The following SYNPR variants were observed in gnomAD, a reference collection of about 807,000 sequenced individuals.
SYNPR encodes synaptoporin.
A neutral mutation model predicts 32.9 loss-of-function variants in SYNPR; 23 were observed. The observed-to-expected ratio is 0.70, with a 90% CI of 0.50 to 0.99. The LOEUF is 0.99. Among genes scored for constraint, SYNPR ranks in the 50% least tolerant of loss-of-function variants. The probability of loss-of-function intolerance (pLI) is 0.00; values close to 1 mark genes in which losing one functional copy is unlikely to be tolerated. For synonymous variants in SYNPR, 146 were observed against 135.9 expected (o/e 1.07, Z -0.52); for missense variants, 318 against 349.3 (o/e 0.91, Z 0.71).
At chr3:63,417,867 T>A (rs2088562653) in intron 2 of SYNPR, among the ~76,000 whole-genome samples, 1 of 152,108 alleles carries the variant, frequency 6.6e-6, no homozygotes, top group Non-Finnish European at 1.5e-5. Context: ...TGAAACCACT[T>A]TTTTCCTCCA....
chr3:63,596,800 G>A (rs1699967651), intron 4 of SYNPR, among the ~76,000 whole-genome samples: 1 of 152,040 alleles, frequency 6.6e-6, no homozygotes, highest in Admixed American at 6.6e-5. Context: ...CAGGAAAAGG[G>A]GCATCACTGT....
At chr3:63,260,559 C>A (rs2086429477) in intron 2 of SYNPR, among the ~76,000 whole-genome samples, 1 of 152,124 alleles carries the variant, frequency 6.6e-6, no homozygotes. Context: ...ACACCTTATA[C>A]AAAAAGTAAT....
intron 2 of SYNPR, among the ~76,000 whole-genome samples, chr3:63,332,588 TTTAA>T (rs2087241835): frequency 6.6e-6 from 1 of 152,108 alleles, no homozygotes; most frequent in Non-Finnish European, 1.5e-5. Flanking sequence ...GTGGATGGGT[TTTAA>T]CCTTAATAAT....
intron 2 of SYNPR, among the ~76,000 whole-genome samples, chr3:63,470,332 C>T (rs775218322): frequency 2.6e-4 from 40 of 151,910 alleles, no homozygotes; most frequent in Non-Finnish European, 4.3e-4. Context: ...GATTGGATAC[C>T]TCATAATTTA....
Position 63,480,869 on chromosome 3 carries a change from A to G in SYNPR, c.122A>G (p.Tyr41Cys). 6.2e-7 allele frequency: 1 copy of G among 1,613,664 alleles called. No homozygotes were observed. Among genetic ancestry groups the G allele is most frequent in the Non-Finnish European group, 8.5e-7 (1 of 1,179,624 alleles). Residue 41 changes from tyrosine to cysteine, a missense_variant, in exon 3 of 6, where the codon TAT becomes TGT. Physicochemically the swap from Tyr to Cys is radical, Grantham distance 194 (BLOSUM62 -2). Transcript: ENST00000478300. ...AIFAFATCGGYSGGLRLSVDC... is the reference protein window; with the variant it reads ...AIFAFATCGGCSGGLRLSVDC... Reference sequence around the variant, plus strand: ...TTTGCATTTGCAACATGCGGTGGCTATTCTGGAGGCCTGCGGCTGAGTGTG... The same window carrying G: ...TTTGCATTTGCAACATGCGGTGGCTGTTCTGGAGGCCTGCGGCTGAGTGTG...
At chr3:63,275,744 T>C (rs1322893456), upstream of SYNPR, among the ~76,000 whole-genome samples, 1 of 152,222 alleles carries the variant, frequency 6.6e-6, no homozygotes, top group East Asian at 1.9e-4. Flanking sequence ...AAATGATGTA[T>C]ATAAAGCACT....
chr3:63,244,147 G>A (rs1239827617), intron 1 of SYNPR, among the ~76,000 whole-genome samples: 2 of 152,208 alleles, frequency 1.3e-5, no homozygotes, highest in African/African-American at 4.8e-5. Context: ...AGCTCAGGGG[G>A]CAAGGTCACC....
chr3:63,243,272 T>C (rs1245785714), intron 1 of SYNPR, among the ~76,000 whole-genome samples: 2 of 151,024 alleles, frequency 1.3e-5, no homozygotes, highest in African/African-American at 4.9e-5. Context: ...AGAATCATCA[T>C]AGTTAAACTG....
the SYNPR span, among the ~76,000 whole-genome samples, chr3:63,205,619 C>T: frequency 6.6e-6 from 1 of 152,218 alleles, no homozygotes; most frequent in South Asian, 2.1e-4. Flanking sequence ...ATTGACATAG[C>T]CCTTTGTAGA....
chr3:63,261,916 T>C (rs967945681), intron 2 of SYNPR, among the ~76,000 whole-genome samples: 2 of 151,588 alleles, frequency 1.3e-5, no homozygotes, highest in African/African-American at 2.4e-5. Context: ...TTAGGAGATA[T>C]ACCTAATGTT....
chr3:63,305,972 C>T (rs2086906736), intron 2 of SYNPR, among the ~76,000 whole-genome samples: 1 of 152,012 alleles, frequency 6.6e-6, no homozygotes, highest in African/African-American at 2.4e-5. Context: ...GCCCCATCCA[C>T]CACAATCTCT....
intron 2 of SYNPR, among the ~76,000 whole-genome samples, chr3:63,307,106 T>C (rs890736671): frequency 1.3e-5 from 2 of 152,054 alleles, no homozygotes; most frequent in Admixed American, 6.6e-5. Context: ...TTATTCAGTG[T>C]TGGATATTAC....
At chr3:63,370,145 C>A (rs577644991) in intron 2 of SYNPR, among the ~76,000 whole-genome samples, 3 of 152,200 alleles carry the variant, frequency 2.0e-5, no homozygotes, top group African/African-American at 7.2e-5. Flanking sequence ...GGAGGAGATA[C>A]GTAAATGAGA....
chr3:63,431,427 A>ATTATCATTCAATGGG (rs1402465351), intron 2 of SYNPR, among the ~76,000 whole-genome samples: 1 of 152,202 alleles, frequency 6.6e-6, no homozygotes, highest in African/African-American at 2.4e-5. Context: ...CAATGGGTAT[A>ATTATCATTCAATGGG]TATTTATCAC....
chr3:63,318,329 A>G (rs62253886), intron 2 of SYNPR, among the ~76,000 whole-genome samples: 46,870 of 151,808 alleles, frequency 0.31, 7,999 homozygotes, highest in Non-Finnish European at 0.39. Context: ...GTTTTCCTCA[A>G]TTATTCCCCT....
intron 2 of SYNPR, among the ~76,000 whole-genome samples, chr3:63,264,611 G>C (rs2086465366): frequency 6.6e-6 from 1 of 152,180 alleles, no homozygotes; most frequent in Non-Finnish European, 1.5e-5. Flanking sequence ...TTTCCGTGAA[G>C]TAAGTGGTAG....
At chr3:63,334,566 G>A (rs1283750126) in intron 2 of SYNPR, among the ~76,000 whole-genome samples, 3 of 150,800 alleles carry the variant, frequency 2.0e-5, no homozygotes, top group Non-Finnish European at 2.9e-5. Context: ...GTGGACACAC[G>A]TGGACAGGCA....
intron 4 of SYNPR, among the ~76,000 whole-genome samples, chr3:63,569,137 C>T (rs1369545427): frequency 6.6e-6 from 1 of 151,986 alleles, no homozygotes; most frequent in Non-Finnish European, 1.5e-5. Flanking sequence ...CATAATATTC[C>T]ATTATATTGA....
At chr3:63,481,066 G>C in intron 3 of SYNPR, 110 bp downstream of exon 3, 1 of 1,431,872 alleles carries the variant, frequency 7.0e-7, no homozygotes, top group South Asian at 1.4e-5. Context: ...TAAACAGAAA[G>C]TATTCTGCCT....
Sources: allele counts gnomAD v4.1 joint callset (sites outside exome capture counted in the v4.1 genomes callset), GRCh38; gene constraint gnomAD v4.1.1; transcripts MANE v1.5; gene names NCBI Gene and HGNC (gene_info 2026-07-23, HGNC 2026-07-21).